MAPK10: variants seen among roughly 807,000 people sequenced by gnomAD.
MAPK10 encodes the protein mitogen-activated protein kinase 10.
Under a neutral mutation model 59.3 loss-of-function variants are expected in MAPK10, and 25 were observed. That is an observed-to-expected ratio of 0.42 (90% CI 0.31 to 0.59). The LOEUF is 0.59. Among genes scored for constraint, MAPK10 ranks in the 20% least tolerant of loss-of-function variants. The pLI is 0.15. For missense variants in MAPK10, 351 were observed against 568.9 expected (o/e 0.62, Z 3.90); for synonymous variants, 190 against 200.5 (o/e 0.95, Z 0.44).
At chr4:86,056,491 C>T (rs189476573) in intron 11 of MAPK10, among the ~76,000 whole-genome samples, 1 of 149,816 alleles carries the variant, frequency 6.7e-6, no homozygotes, top group East Asian at 1.9e-4. Context: ...ATTATGGATT[C>T]AAGAGAATTC....
chr4:86,490,340 T>C (rs1440825739), intron 1 of MAPK10, among the ~76,000 whole-genome samples: 2 of 152,192 alleles, frequency 1.3e-5, no homozygotes, highest in Admixed American at 1.3e-4. Flanking sequence ...CAGAGGCTTT[T>C]CTGGGCCTCA....
intron 2 of MAPK10, among the ~76,000 whole-genome samples, chr4:86,238,599 T>C (rs2148680516): frequency 6.6e-6 from 1 of 152,316 alleles, no homozygotes; most frequent in Admixed American, 6.5e-5. Context: ...TTTTATTCTC[T>C]TTGTAGTGAT....
intron 1 of MAPK10, among the ~76,000 whole-genome samples, chr4:86,507,515 G>A (rs1755827776): frequency 6.7e-6 from 1 of 149,346 alleles, no homozygotes; most frequent in African/African-American, 2.5e-5. Context: ...GCACAATAAT[G>A]TTTATTGAAG....
chr4:86,541,947 G>GCACACACA (rs10555824), intron 1 of MAPK10, among the ~76,000 whole-genome samples: 124 of 140,468 alleles, frequency 8.8e-4, no homozygotes, highest in African/African-American at 1.9e-3. Context: ...GAATACACCG[G>GCACACACA]CACACACACA....
chr4:86,353,754 T>A (rs752052180), intron 2 of MAPK10, among the ~76,000 whole-genome samples: 76 of 152,164 alleles, frequency 5.0e-4, no homozygotes, highest in Non-Finnish European at 9.0e-4. Context: ...AAGATATTGA[T>A]CACTAGCTCA....
At chr4:86,360,322 C>T (rs766788760), upstream of MAPK10, 1 of 366,426 alleles carries the variant, frequency 2.7e-6, no homozygotes, top group South Asian at 1.1e-4. Flanking sequence ...AAGAAAAGAT[C>T]CATTCGATGC....
chr4:86,248,127 C>T (rs540952188), intron 2 of MAPK10, among the ~76,000 whole-genome samples: 1 of 152,272 alleles, frequency 6.6e-6, no homozygotes, highest in South Asian at 2.1e-4. Flanking sequence ...AGTACTCAAT[C>T]GCCATATGGT....
chr4:86,045,374 C>T (rs2042309756), intron 11 of MAPK10, among the ~76,000 whole-genome samples: 1 of 151,980 alleles, frequency 6.6e-6, no homozygotes, highest in Non-Finnish European at 1.5e-5. Flanking sequence ...ATTTATTAAC[C>T]CTCTACCATA....
chr4:86,550,400 A>C (rs1035581558), intron 1 of MAPK10, among the ~76,000 whole-genome samples: 7 of 116,468 alleles, frequency 6.0e-5, no homozygotes, highest in East Asian at 3.2e-4. Flanking sequence ...AAAAAAAAAA[A>C]AAAAAAAAAA....
chr4:86,190,173 A>G (rs1333742961), intron 3 of MAPK10, among the ~76,000 whole-genome samples: 2 of 152,110 alleles, frequency 1.3e-5, no homozygotes, highest in Non-Finnish European at 2.9e-5. Context: ...GGATTTTTAC[A>G]TTGATGTTCA....
chr4:86,582,741 A>G (rs750405875), intron 1 of MAPK10, among the ~76,000 whole-genome samples: 3 of 152,210 alleles, frequency 2.0e-5, no homozygotes, highest in African/African-American at 2.4e-5. Flanking sequence ...TGGTAATTTG[A>G]TAGGACACTT....
intron 4 of MAPK10, among the ~76,000 whole-genome samples, chr4:86,123,159 C>T (rs914000755): frequency 2.0e-5 from 3 of 151,942 alleles, no homozygotes; most frequent in South Asian, 2.1e-4. Context: ...TTTGTCTTTC[C>T]GTGTCTGGTT....
chr4:86,433,316 A>G (rs1748286695), intron 1 of MAPK10, among the ~76,000 whole-genome samples: 1 of 151,844 alleles, frequency 6.6e-6, no homozygotes, highest in Non-Finnish European at 1.5e-5. Flanking sequence ...CCCCACTCTG[A>G]GGTTTTAGGC....
intron 1 of MAPK10, chr4:86,392,377 TG>T (rs1277927234): frequency 6.6e-6 from 1 of 151,294 alleles, no homozygotes; most frequent in Non-Finnish European, 1.5e-5. Flanking sequence ...AGGTGGAGGT[TG>T]TTGCAGTGAG....
rs1554272299 is a variant in MAPK10 at position 86,487,362 on chromosome 4, A to AGAGTGTGTGTGT, written c.-263+106547_-263+106548insACACACACACTC. Among the ~76,000 whole-genome samples the AGAGTGTGTGTGT allele has an allele frequency of 3.9e-3, 585 of 148,828 alleles. 4 individuals carry two copies. The highest frequency in any genetic ancestry group is 0.01 in the Middle Eastern group (3 of 290). ...AATAGTTCATAAAAGAGAGAGAGAG[A>AGAGTGTGTGTGT]GTGTGTGTGTGTGTGTGTGTGTAGA... is the stretch of plus-strand genomic sequence containing the variant. On this transcript the variant is annotated intron_variant, in intron 1 of 4. Coordinates refer to the MAPK10 transcript ENST00000502302.
intron 2 of MAPK10, among the ~76,000 whole-genome samples, chr4:86,232,841 C>G (rs955152679): frequency 6.6e-6 from 1 of 151,630 alleles, no homozygotes; most frequent in African/African-American, 2.4e-5. Context: ...TTTAATTTTT[C>G]TTAACTTCTA....
intron 2 of MAPK10, chr4:86,336,270 A>G (rs1410242693): frequency 6.6e-6 from 1 of 152,088 alleles, no homozygotes; most frequent in Admixed American, 6.5e-5. Context: ...TGATGTGGGT[A>G]TTTTGGGTAA....
intron 2 of MAPK10, among the ~76,000 whole-genome samples, chr4:86,333,281 C>A (rs1162991260): frequency 6.6e-6 from 1 of 152,144 alleles, no homozygotes; most frequent in African/African-American, 2.4e-5. Flanking sequence ...AGGCATCAAA[C>A]CAATTTCATT....
intron 1 of MAPK10, among the ~76,000 whole-genome samples, chr4:86,431,414 C>T (rs923234893): frequency 6.6e-6 from 1 of 152,296 alleles, no homozygotes; most frequent in Non-Finnish European, 1.5e-5. Flanking sequence ...AAGTGAATGC[C>T]AGTTTGGCAG....
Sources: allele counts gnomAD v4.1 joint callset (sites outside exome capture counted in the v4.1 genomes callset), GRCh38; gene constraint gnomAD v4.1.1; transcripts MANE v1.5; gene names NCBI Gene and HGNC (gene_info 2026-07-23, HGNC 2026-07-21).